The following CFAP54 variants were observed in gnomAD, a reference collection of about 807,000 sequenced individuals.
CFAP54 encodes the protein cilia- and flagella-associated protein 54.
Under a neutral mutation model 370.4 loss-of-function variants are expected in CFAP54, and 290 were observed. That is an observed-to-expected ratio of 0.78 (90% CI 0.71 to 0.86). The LOEUF (loss-of-function observed/expected upper bound fraction) is 0.86, where lower values mean the gene tolerates loss of function less well. CFAP54 is among the 40% of genes least tolerant of loss of function. The probability of loss-of-function intolerance (pLI) is 0.00; values close to 1 mark genes in which losing one functional copy is unlikely to be tolerated. For synonymous variants in CFAP54, 1,206 were observed against 1,236.5 expected (o/e 0.98, Z 0.52); for missense variants, 3,399 against 3,528.7 (o/e 0.96, Z 0.93).
rs75405772 is a variant in CFAP54 at position 96,569,793 on chromosome 12, A to C, written c.2619+5028A>C. Among the ~76,000 whole-genome samples, 1,081 of 152,262 alleles carry C rather than the reference A, an allele frequency of 7.1e-3. 33 individuals carry two copies. The highest frequency in any genetic ancestry group is 0.057 in the East Asian group (294 of 5,176). On this transcript the variant is annotated intron_variant, in intron 19 of 67. Transcript: ENST00000524981. Reference sequence around the variant, plus strand: ...AAATTCAGGGGTATTAGCAGTTCTAATAACCTCTGGCTTTAATACTTCCTG... The same window carrying C: ...AAATTCAGGGGTATTAGCAGTTCTACTAACCTCTGGCTTTAATACTTCCTG...
At chr12:96,609,774 G>A (rs1956335391) in intron 26 of CFAP54, among the ~76,000 whole-genome samples, 1 of 152,126 alleles carries the variant, frequency 6.6e-6, no homozygotes, top group Admixed American at 6.5e-5. Context: ...GCAATAGTTA[G>A]AAATGGAGAG....
At chr12:96,611,220 G>A (rs1425211306) in intron 26 of CFAP54, among the ~76,000 whole-genome samples, 2 of 152,172 alleles carry the variant, frequency 1.3e-5, no homozygotes, top group African/African-American at 2.4e-5. Context: ...AGCAACATTC[G>A]CTGTTCAGCA....
Position 96,598,671 on chromosome 12 carries a change from G to T in CFAP54, c.3543G>T (p.Leu1181Phe). Residue 1181 changes from leucine (L) to phenylalanine (F), a missense_variant, in exon 26 of 68, where the codon TTG becomes TTT. Coordinates refer to ENST00000524981, the MANE Select transcript of CFAP54 (RefSeq NM_001306084.2). ...VQILIKCIVV[L>F]QGLPSIVCSK... Reference sequence around the variant, plus strand: ...TCCTGATAAAGTGTATAGTGGTTTTGCAAGGACTACCAAGTATTGTCTGCT... The same window carrying T: ...TCCTGATAAAGTGTATAGTGGTTTTTCAAGGACTACCAAGTATTGTCTGCT... The T allele has an allele frequency of 1.5e-6, 1 of 671,854 alleles. No individual in the cohort carries two copies. The highest frequency in any genetic ancestry group is 2.7e-6 in the Non-Finnish European group (1 of 368,282). 41.6% of individuals were successfully genotyped at this position (671,854 alleles called of 1,614,324 possible). A position where few individuals can be genotyped will look rare whatever the true frequency, so the allele number is the denominator to read the frequency against.
chr12:96,569,105 T>A (rs923119074), intron 19 of CFAP54, among the ~76,000 whole-genome samples: 2 of 152,192 alleles, frequency 1.3e-5, no homozygotes, highest in East Asian at 3.9e-4. Flanking sequence ...GTCATTGCTC[T>A]TAGTCCACTA....
At chr12:96,538,674 G>A (rs923717582) in intron 13 of CFAP54, 156 bp downstream of exon 13, 8 of 707,030 alleles carry the variant, frequency 1.1e-5, no homozygotes, top group South Asian at 1.0e-4. Flanking sequence ...TTCTAGCGCT[G>A]AGTGACCCTT....
At chr12:96,809,806 CTTT>C (rs1390667238) in intron 63 of CFAP54, among the ~76,000 whole-genome samples, 3 of 152,152 alleles carry the variant, frequency 2.0e-5, no homozygotes, top group African/African-American at 7.2e-5. Flanking sequence ...ACCTGTAGGT[CTTT>C]TCTCTTTGAC....
chr12:96,551,775 T>A (rs1044432221), intron 15 of CFAP54, among the ~76,000 whole-genome samples: 1 of 152,118 alleles, frequency 6.6e-6, no homozygotes, highest in African/African-American at 2.4e-5. Flanking sequence ...CTAATAAGGG[T>A]GGCATCCAAA....
intron 50 of CFAP54, among the ~76,000 whole-genome samples, chr12:96,723,237 G>A (rs1250205725): frequency 6.6e-6 from 1 of 152,122 alleles, no homozygotes; most frequent in Non-Finnish European, 1.5e-5. Context: ...ACTAAAAAAA[G>A]TAAAGACAGA....
At chr12:96,846,676 G>A (rs1347819239) in intron 66 of CFAP54, among the ~76,000 whole-genome samples, 2 of 152,106 alleles carry the variant, frequency 1.3e-5, no homozygotes, top group African/African-American at 4.8e-5. Flanking sequence ...TGCCCATGGT[G>A]GAGGTGATAC....
intron 9 of CFAP54, 99 bp from the exon 10 acceptor site, chr12:96,533,693 G>T: frequency 1.1e-6 from 1 of 882,266 alleles, no homozygotes; most frequent in Non-Finnish European, 1.6e-6. Flanking sequence ...ATGAAAGCAG[G>T]GATTGTGTTT....
At chr12:96,869,676 C>T (rs1960098971) in intron 67 of CFAP54, among the ~76,000 whole-genome samples, 1 of 152,004 alleles carries the variant, frequency 6.6e-6, no homozygotes, top group Non-Finnish European at 1.5e-5. Flanking sequence ...TGGCTCATAC[C>T]TGTAATCCCA....
chr12:96,557,941 A>C (rs760661955), intron 17 of CFAP54, among the ~76,000 whole-genome samples: 38 of 152,284 alleles, frequency 2.5e-4, no homozygotes, highest in Non-Finnish European at 4.0e-4. Flanking sequence ...ATGTCCTTTG[A>C]AGACATTATG....
At chr12:96,691,999 G>A (rs752786246) in intron 44 of CFAP54, among the ~76,000 whole-genome samples, 1 of 148,798 alleles carries the variant, frequency 6.7e-6, no homozygotes, top group Non-Finnish European at 1.5e-5. Context: ...TTTCTCCTTT[G>A]TTTGCTTCTT....
rs761091589 is a variant in CFAP54 at position 96,658,083 on chromosome 12, A to G, written c.5302A>G (p.Ile1768Val). 1.4e-5 allele frequency: 23 copies of G among 1,613,474 alleles called. No homozygotes were observed. The highest frequency in any genetic ancestry group is 2.7e-5 in the African/African-American group (2 of 74,918). ...ATGGGAAACACTAGTATCTCTTGCC[A>G]TTCAGTTCAATACAGTTTCACAGTA... is the stretch of plus-strand genomic sequence containing the variant. The part of the protein sequence containing the change: ...EKWETLVSLA[I>V]QFNTVSHERY... The change falls in exon 37 of 68, where the codon ATT becomes GTT. Residue 1768 changes from isoleucine to valine, a missense_variant. Coordinates refer to ENST00000524981, the MANE Select transcript of CFAP54 (RefSeq NM_001306084.2).
chr12:96,834,350 C>T (rs188075548), intron 66 of CFAP54, among the ~76,000 whole-genome samples: 11 of 152,298 alleles, frequency 7.2e-5, no homozygotes, highest in Admixed American at 5.9e-4. Flanking sequence ...TTGCTCAGGC[C>T]CACTGAGCTT....
chr12:96,658,862 A>G (rs1022438457), intron 38 of CFAP54, among the ~76,000 whole-genome samples: 1 of 152,144 alleles, frequency 6.6e-6, no homozygotes, highest in Admixed American at 6.5e-5. Flanking sequence ...CAATCAGGGG[A>G]GCAAAACTCG....
chr12:96,753,873 G>A lies in CFAP54; in HGVS notation c.7815G>A (p.Val2605=). ...CRTTAVEEHE[V]EAEILFQKGK... ...CAACAGCAGTGGAGGAACATGAGGTGGAAGCTGAAATCCTTTTTCAGAAAG... is the reference window on the plus strand; with the variant it reads ...CAACAGCAGTGGAGGAACATGAGGTAGAAGCTGAAATCCTTTTTCAGAAAG... Residue 2605 remains valine, a synonymous_variant, in exon 56 of 68, where the codon GTG becomes GTA. Coordinates refer to ENST00000524981, the MANE Select transcript of CFAP54 (RefSeq NM_001306084.2). 1 of 1,613,708 alleles carries A rather than the reference G, an allele frequency of 6.2e-7. No individual in the cohort carries two copies. Among genetic ancestry groups the A allele is most frequent in the Non-Finnish European group, 8.5e-7 (1 of 1,179,764 alleles).
Position 96,673,739 on chromosome 12 carries a change from G to A in CFAP54, c.5564-5861G>A, listed in dbSNP as rs980026789. Among the ~76,000 whole-genome samples, 4 of 152,128 alleles carry A rather than the reference G, an allele frequency of 2.6e-5. No individual in the cohort carries two copies. The East Asian group carries it at 7.7e-4, about 29-fold the overall frequency. On this transcript the variant is annotated intron_variant, in intron 39 of 67. Transcript: ENST00000524981. ...CTCATGATGGTTTCCACACCAGATC[G>A]CTGCTTTAGACCATCATAGATTTTC...
At chr12:96,623,718 T>A in intron 27 of CFAP54, 49 bp from the exon 28 acceptor site, 1 of 899,922 alleles carries the variant, frequency 1.1e-6, no homozygotes, top group Admixed American at 2.4e-5. Flanking sequence ...AAAAGGACAG[T>A]TGTTGCAACA....
Sources: allele counts gnomAD v4.1 joint callset (sites outside exome capture counted in the v4.1 genomes callset), GRCh38; gene constraint gnomAD v4.1.1; transcripts MANE v1.5; gene names NCBI Gene and HGNC (gene_info 2026-07-23, HGNC 2026-07-21).